SOBP: variants seen among roughly 807,000 people sequenced by gnomAD.
SOBP encodes the protein sine oculis-binding protein homolog.
A neutral mutation model predicts 53.6 loss-of-function variants in SOBP; 4 were observed. That is an observed-to-expected ratio of 0.07 (90% CI 0.04 to 0.17). The LOEUF is 0.17. Ranked by LOEUF, SOBP falls within the 10% of genes least tolerant of loss-of-function variation. The pLI, the probability that SOBP is intolerant of heterozygous loss-of-function variation, is 1.00. For synonymous variants in SOBP, 584 were observed against 522.6 expected (o/e 1.12, Z -1.60); for missense variants, 1,088 against 1,204.7 (o/e 0.90, Z 1.43).
At chr6:107,549,743 T>G (rs1484676301) in intron 4 of SOBP, among the ~76,000 whole-genome samples, 2 of 152,308 alleles carry the variant, frequency 1.3e-5, no homozygotes, top group Non-Finnish European at 1.5e-5. Context: ...CCTAGATATT[T>G]GGCTAAATAT....
chr6:107,538,917 G>A (rs7758767), intron 4 of SOBP, among the ~76,000 whole-genome samples: 12,026 of 152,258 alleles, frequency 0.079, 1,063 homozygotes, highest in African/African-American at 0.21. Context: ...AGAGCAGGAA[G>A]GTTCTGGCTA....
chr6:107,554,144 G>A (rs949881707), intron 4 of SOBP, among the ~76,000 whole-genome samples: 1 of 152,170 alleles, frequency 6.6e-6, no homozygotes, highest in Non-Finnish European at 1.5e-5. Context: ...GATTTTTTGA[G>A]TAACCCTCCA....
At chr6:107,509,825 T>C (rs757601959) in intron 3 of SOBP, 1 of 152,212 alleles carries the variant, frequency 6.6e-6, no homozygotes. Flanking sequence ...AGTGGTTTTA[T>C]TGGTTTTGTG....
rs375641885 is a variant in SOBP, at chr6:107,519,726, C to T, written c.421+13299C>T. On this transcript the variant is annotated intron_variant, in intron 3 of 6. Coordinates refer to ENST00000317357, the MANE Select transcript of SOBP (RefSeq NM_018013.4). ...TAGTTATGAAATGTTTTAATACACT[C>T]CAAAGAATTACCTCTGCAATTGAAC... Among the ~76,000 whole-genome samples, 23 of 152,232 alleles carry T rather than the reference C, an allele frequency of 1.5e-4. No individual in the cohort carries two copies. The East Asian group carries it at 2.1e-3, about 14-fold the overall frequency.
chr6:107,636,575 A>C (rs1771053546), intron 6 of SOBP, among the ~76,000 whole-genome samples: 1 of 152,200 alleles, frequency 6.6e-6, no homozygotes, highest in African/African-American at 2.4e-5. Flanking sequence ...GCGGGCATCA[A>C]ACAGGCCAAA....
At chr6:107,588,710 T>C (rs1413388288) in intron 5 of SOBP, among the ~76,000 whole-genome samples, 2 of 152,234 alleles carry the variant, frequency 1.3e-5, no homozygotes, top group African/African-American at 2.4e-5. Flanking sequence ...CTGGTTGTGG[T>C]CAGTTTATAC....
At chr6:107,551,030 C>T (rs959765263) in intron 4 of SOBP, among the ~76,000 whole-genome samples, 7 of 152,168 alleles carry the variant, frequency 4.6e-5, no homozygotes, top group East Asian at 3.8e-4. Flanking sequence ...CTGACAGGCA[C>T]GTGAAGAGTT....
At chr6:107,541,335 T>C (rs910073251) in intron 4 of SOBP, among the ~76,000 whole-genome samples, 2 of 152,218 alleles carry the variant, frequency 1.3e-5, no homozygotes, top group African/African-American at 4.8e-5. Context: ...TTCATAAATA[T>C]GTTGAAATGT....
Position 107,660,849 on chromosome 6 carries a change from C to T in SOBP, c.*2646C>T, listed in dbSNP as rs548793267. Among the ~76,000 whole-genome samples the T allele has an allele frequency of 1.3e-5, 2 of 152,322 alleles. No homozygotes were observed. The highest frequency in any genetic ancestry group is 2.1e-4 in the South Asian group (1 of 4,830). ...ATGTTCATTAAAATCTGAGGCACCA[C>T]GAGCAGCTCCCTTGAAGTGATCATC... On this transcript the variant is annotated 3_prime_UTR_variant, in exon 7 of 7. Coordinates refer to ENST00000317357, the MANE Select transcript of SOBP (RefSeq NM_018013.4).
chr6:107,606,696 G>C (rs541347624), intron 5 of SOBP, among the ~76,000 whole-genome samples: 1 of 152,198 alleles, frequency 6.6e-6, no homozygotes, highest in Non-Finnish European at 1.5e-5. Flanking sequence ...TCTGGGTGGG[G>C]GATAGGGCGG....
At chr6:107,639,729 G>C (rs1363843769) in intron 6 of SOBP, among the ~76,000 whole-genome samples, 1 of 152,078 alleles carries the variant, frequency 6.6e-6, no homozygotes, top group Non-Finnish European at 1.5e-5. Flanking sequence ...CTTGTTTATG[G>C]TACATTGGGG....
chr6:107,540,387 G>A (rs1391872532), intron 4 of SOBP, among the ~76,000 whole-genome samples: 2 of 152,220 alleles, frequency 1.3e-5, no homozygotes, highest in Non-Finnish European at 2.9e-5. Context: ...AGATTAGAAT[G>A]GAATAAAGAA....
In SOBP at chr6:107,634,776, C is replaced by T. The variant is rs1297106535; in HGVS notation, c.1932C>T (p.Gly644=). 7.3e-7 allele frequency: 1 copy of T among 1,374,958 alleles called. No individual in the cohort carries two copies. The highest frequency in any genetic ancestry group is 2.8e-5 in the Admixed American group (1 of 35,338). The allele number at this position is 1,374,958 out of a possible 1,614,324, so 85.2% of individuals were successfully genotyped here. A position where few individuals can be genotyped will look rare whatever the true frequency, so the allele number is the denominator to read the frequency against. The change falls in exon 6 of 7, where the codon GGC becomes GGT. Residue 644 remains glycine (G), a synonymous_variant. Coordinates refer to ENST00000317357, the MANE Select transcript of SOBP (RefSeq NM_018013.4). This position sits in a 1 kb window ranked among gnomAD's most constrained non-coding sequence, Gnocchi z 4.5. ...CGGGCGGCCAGCTCGGCTTCCCAGG[C>T]GTGCTGCAGGGCCCGCAGGACGGCG... is the stretch of plus-strand genomic sequence containing the variant. ...PGAGGQLGFP[G]VLQGPQDGVI... is the part of the protein sequence containing the mutation.
intron 4 of SOBP, among the ~76,000 whole-genome samples, chr6:107,572,873 T>C (rs997279733): frequency 1.3e-5 from 2 of 152,134 alleles, no homozygotes; most frequent in South Asian, 4.1e-4. Flanking sequence ...ACATAAATGG[T>C]AATCAAGGGA....
At chr6:107,508,091 T>C (rs1466385909) in intron 3 of SOBP, among the ~76,000 whole-genome samples, 3 of 152,260 alleles carry the variant, frequency 2.0e-5, no homozygotes, top group Admixed American at 2.0e-4. Context: ...GTACTTATTA[T>C]AACATACTAA....
At chr6:107,579,834 A>G (rs1443483164) in intron 4 of SOBP, among the ~76,000 whole-genome samples, 1 of 152,206 alleles carries the variant, frequency 6.6e-6, no homozygotes, top group African/African-American at 2.4e-5. Flanking sequence ...CATGGAGTGA[A>G]AAAATAGCTG....
At chr6:107,491,898 AT>A (rs1267887838) in intron 1 of SOBP, among the ~76,000 whole-genome samples, 2 of 152,218 alleles carry the variant, frequency 1.3e-5, no homozygotes, top group Admixed American at 6.5e-5. Context: ...TAGAACAAGC[AT>A]TTTCTATCAT....
chr6:107,514,827 A>G (rs1783270764), intron 3 of SOBP: 1 of 152,220 alleles, frequency 6.6e-6, no homozygotes. Flanking sequence ...TTGAGAGGGT[A>G]TGTTTTAATG....
intron 5 of SOBP, among the ~76,000 whole-genome samples, chr6:107,617,683 G>A (rs1217762699): frequency 6.6e-6 from 1 of 152,166 alleles, no homozygotes; most frequent in South Asian, 2.1e-4. Context: ...TCTCACTGGT[G>A]TTCAGCAAAG....
Sources: allele counts gnomAD v4.1 joint callset (sites outside exome capture counted in the v4.1 genomes callset), GRCh38; gene constraint gnomAD v4.1.1; non-coding constraint Gnocchi (gnomAD v3.1); transcripts MANE v1.5; gene names NCBI Gene and HGNC (gene_info 2026-07-23, HGNC 2026-07-21).